Variants in TPO observed in about 807,000 individuals in gnomAD.
TPO encodes thyroid microsomal antigen.
A neutral mutation model predicts 96.9 loss-of-function variants in TPO; 78 were observed. The ratio of observed to expected loss-of-function variants is 0.81; its 90% CI spans 0.67 to 0.97. The LOEUF is 0.97. TPO is among the 50% of genes least tolerant of loss of function. The pLI is 0.00. For missense variants in TPO, 1,252 were observed against 1,274.8 expected (o/e 0.98, Z 0.27); for synonymous variants, 547 against 538.0 (o/e 1.02, Z -0.23).
intron 1 of TPO, among the ~76,000 whole-genome samples, chr2:1,390,165 C>A (rs566336449): frequency 1.2e-4 from 19 of 152,196 alleles, no homozygotes; most frequent in East Asian, 1.9e-4. Flanking sequence ...GCTATCCCCC[C>A]CCAGCTCCCC....
chr2:1,424,699 T>C (rs1664142438), intron 3 of TPO, among the ~76,000 whole-genome samples: 1 of 152,228 alleles, frequency 6.6e-6, no homozygotes, highest in Admixed American at 6.5e-5. Flanking sequence ...ACTATGTTTC[T>C]TTCCTTAAGA....
chr2:1,444,948 T>C (rs866622051), intron 5 of TPO, among the ~76,000 whole-genome samples: 3 of 8,058 alleles, frequency 3.7e-4, no homozygotes, highest in African/African-American at 6.6e-4. Flanking sequence ...CTGCAGGAGG[T>C]ACCATGTTGG....
intron 1 of TPO, among the ~76,000 whole-genome samples, chr2:1,385,237 G>A (rs1017066628): frequency 6.6e-6 from 1 of 152,186 alleles, no homozygotes; most frequent in African/African-American, 2.4e-5. Flanking sequence ...ATGAGTTAGG[G>A]AGGATTCCCT....
intron 1 of TPO, among the ~76,000 whole-genome samples, chr2:1,403,282 A>G (rs1387681374): frequency 6.6e-6 from 1 of 152,196 alleles, no homozygotes; most frequent in African/African-American, 2.4e-5. Flanking sequence ...TCTGCTGGAC[A>G]CAGGCCATGC....
chr2:1,469,075 G>A (rs868788867), intron 7 of TPO, among the ~76,000 whole-genome samples: 5 of 152,110 alleles, frequency 3.3e-5, no homozygotes, highest in African/African-American at 1.2e-4. Flanking sequence ...TTTTATTTGT[G>A]ATATCTATTT....
intron 5 of TPO, among the ~76,000 whole-genome samples, chr2:1,438,574 C>G (rs1043095520): frequency 3.4e-5 from 5 of 148,522 alleles, no homozygotes; most frequent in East Asian, 4.3e-4. Context: ...GGCCACCCCC[C>G]ACCCACCCCC....
At chr2:1,500,129 G>A (rs1245604609) in intron 13 of TPO, among the ~76,000 whole-genome samples, 2 of 152,124 alleles carry the variant, frequency 1.3e-5, no homozygotes, top group African/African-American at 4.8e-5. Context: ...GAATCTGTTC[G>A]GGTTTTTTTT....
At chr2:1,440,746 A>T (rs1407435696) in intron 5 of TPO, among the ~76,000 whole-genome samples, 2 of 150,676 alleles carry the variant, frequency 1.3e-5, no homozygotes, top group Non-Finnish European at 3.0e-5. Context: ...TGTATGATCT[A>T]GTCAGTGCCG....
rs546438168 is a variant in TPO at position 1,481,798 on chromosome 2, C to T, written c.1339-2798C>T. 2.0e-5 allele frequency among the ~76,000 whole-genome samples: 3 copies of T among 152,330 alleles called. No homozygotes were observed. In the South Asian group the frequency reaches 6.2e-4, roughly 32 times the overall value. The stretch of plus-strand genomic sequence containing the variant: ...CCCCTTTATCTGCAGGGCCCCATCC[C>T]CCAGTGGCCTCCAATGTTGGCTGAC... On this transcript the variant is annotated intron_variant, in intron 8 of 16. Coordinates refer to ENST00000329066, the MANE Select transcript of TPO (RefSeq NM_001206744.2).
chr2:1,391,060 T>C (rs1290815211), intron 1 of TPO, among the ~76,000 whole-genome samples: 1 of 152,228 alleles, frequency 6.6e-6, no homozygotes, highest in Non-Finnish European at 1.5e-5. Context: ...CAATTTTGGC[T>C]TTTGTTGCCA....
intron 14 of TPO, among the ~76,000 whole-genome samples, chr2:1,510,215 T>C (rs1558384365): frequency 1.3e-5 from 2 of 152,096 alleles, no homozygotes; most frequent in Admixed American, 1.3e-4. Flanking sequence ...ATTGCAAAGG[T>C]AGCCAGGTAG....
intron 15 of TPO, among the ~76,000 whole-genome samples, chr2:1,528,810 T>C (rs1267321691): frequency 8.3e-6 from 1 of 120,450 alleles, no homozygotes; most frequent in Non-Finnish European, 1.7e-5. Flanking sequence ...CCCCCCACTG[T>C]GAGCAACCTC....
At chr2:1,393,165 G>A (rs1662029322) in intron 1 of TPO, among the ~76,000 whole-genome samples, 1 of 152,212 alleles carries the variant, frequency 6.6e-6, no homozygotes, top group Non-Finnish European at 1.5e-5. Flanking sequence ...TCCAATTGTA[G>A]CGGAAGGCAG....
intron 5 of TPO, among the ~76,000 whole-genome samples, chr2:1,446,112 C>A (rs533643038): frequency 6.6e-6 from 1 of 152,170 alleles, no homozygotes; most frequent in Non-Finnish European, 1.5e-5. Context: ...CCTGCACCCC[C>A]AGATGAGAAG....
chr2:1,507,791 T>C (rs1332664462), intron 14 of TPO, among the ~76,000 whole-genome samples: 5 of 151,870 alleles, frequency 3.3e-5, no homozygotes, highest in African/African-American at 7.3e-5. Flanking sequence ...TGGGCTGAGA[T>C]GATGGGGTTT....
intron 1 of TPO, among the ~76,000 whole-genome samples, chr2:1,396,814 A>G (rs1662088810): frequency 6.6e-6 from 1 of 152,168 alleles, no homozygotes; most frequent in South Asian, 2.1e-4. Flanking sequence ...AAATGAATCC[A>G]TCCTTGCTCC....
intron 3 of TPO, among the ~76,000 whole-genome samples, chr2:1,426,182 A>T (rs551013550): frequency 3.4e-5 from 5 of 145,726 alleles, no homozygotes; most frequent in Non-Finnish European, 1.5e-5. Flanking sequence ...CGATCATTTC[A>T]TATCCTCAGA....
intron 10 of TPO, among the ~76,000 whole-genome samples, chr2:1,492,336 G>C (rs1349525952): frequency 1.3e-5 from 2 of 152,194 alleles, no homozygotes; most frequent in African/African-American, 2.4e-5. Flanking sequence ...TGTATTTTTA[G>C]TAGAGATGGA....
intron 15 of TPO, among the ~76,000 whole-genome samples, chr2:1,524,382 C>G (rs558141475): frequency 2.5e-4 from 27 of 108,222 alleles, no homozygotes; most frequent in African/African-American, 9.7e-4. Flanking sequence ...CTCCCCAAAT[C>G]CCCCCCACTC....
Sources: gnomAD v4.1 joint callset for allele counts (sites outside exome capture counted in the v4.1 genomes callset) on GRCh38, gnomAD v4.1.1 for gene constraint, MANE v1.5 for transcripts, NCBI Gene and HGNC (gene_info 2026-07-23, HGNC 2026-07-21) for gene names.